The following IGDCC3 variants were observed in gnomAD, a reference collection of about 807,000 sequenced individuals.
IGDCC3 encodes putative neuronal cell adhesion molecule.
A neutral mutation model predicts 72.0 loss-of-function variants in IGDCC3; 47 were observed. The ratio of observed to expected loss-of-function variants is 0.65; its 90% CI spans 0.52 to 0.83. The LOEUF is 0.83. Among genes scored for constraint, IGDCC3 ranks in the 40% least tolerant of loss-of-function variants. The pLI is 0.00. For missense variants in IGDCC3, 1,038 were observed against 1,091.3 expected, an observed-to-expected ratio of 0.95 and a Z score of 0.69; for synonymous variants, 477 against 472.8, an observed-to-expected ratio of 1.01 and a Z score of -0.11.
intron 2 of IGDCC3, among the ~76,000 whole-genome samples, chr15:65,366,074 G>A (rs1487411272): frequency 6.6e-6 from 1 of 152,098 alleles, no homozygotes; most frequent in East Asian, 1.9e-4. Flanking sequence ...TGGGCGTGGT[G>A]GCAGGCGCCT....
Position 65,377,814 on chromosome 15 carries a change from C to G in IGDCC3, c.-26G>C. 1 of 1,182,964 alleles carries G rather than the reference C, an allele frequency of 8.5e-7. No homozygotes were observed. The highest frequency in any genetic ancestry group is 1.0e-6 in the Non-Finnish European group (1 of 956,688). 73.3% of individuals were successfully genotyped at this position (1,182,964 alleles called of 1,614,324 possible). A position where few individuals can be genotyped will look rare whatever the true frequency, so the allele number is the denominator to read the frequency against. On this transcript the variant is annotated 5_prime_UTR_variant, in exon 1 of 14. Transcript: ENST00000327987. This position sits in a 1 kb window ranked among gnomAD's most constrained non-coding sequence, Gnocchi z 4.9. Reference sequence around the variant, plus strand: ...GGGGCTCTCGGTCAGCTCGGCTCGGCGACGCGCGGCTCCCGGGCCTCTCGC... The same window carrying G: ...GGGGCTCTCGGTCAGCTCGGCTCGGGGACGCGCGGCTCCCGGGCCTCTCGC...
chr15:65,351,255 G>A lies in IGDCC3; in HGVS notation c.410-15299C>T, dbSNP rs181780391. Among the ~76,000 whole-genome samples, 845 of 152,286 alleles carry A rather than the reference G, an allele frequency of 5.5e-3. 5 individuals are homozygous for A. The highest frequency in any genetic ancestry group is 8.2e-3 in the Non-Finnish European group (558 of 68,030). On this transcript the variant is annotated intron_variant, in intron 2 of 13. Transcript: ENST00000327987. ...ATAAAAGGTTTATAAGAATCTTACCGGCTGGGCGCAGTGGCTCACGCCTGT... is the reference window on the plus strand; with the variant it reads ...ATAAAAGGTTTATAAGAATCTTACCAGCTGGGCGCAGTGGCTCACGCCTGT...
intron 2 of IGDCC3, among the ~76,000 whole-genome samples, chr15:65,354,321 C>T (rs2091197011): frequency 1.3e-5 from 2 of 152,288 alleles, no homozygotes; most frequent in African/African-American, 4.8e-5. Flanking sequence ...TCTTGTAACA[C>T]ATCCGTAAAA....
intron 2 of IGDCC3, among the ~76,000 whole-genome samples, chr15:65,369,530 T>G (rs28422006): frequency 3.3e-5 from 5 of 152,020 alleles, no homozygotes; most frequent in Non-Finnish European, 7.4e-5. Context: ...GACATGAGGG[T>G]AGGCCTAGGT....
At position 65,377,050 on chromosome 15, in the gene IGDCC3, G is replaced by T. The variant is rs77657990; in HGVS notation, c.103+636C>A. On this transcript the variant is annotated intron_variant, in intron 1 of 13. Transcript: ENST00000327987. The surrounding 1 kb of genome is among the most constrained non-coding windows in gnomAD (Gnocchi z 4.9). ...AGGGCAGGGGCACGTGAGCATCCCCGCGGCTCGCTCGCTCTCGCTTTCGGT... is the reference window on the plus strand; with the variant it reads ...AGGGCAGGGGCACGTGAGCATCCCCTCGGCTCGCTCGCTCTCGCTTTCGGT... Among the ~76,000 whole-genome samples, 4,109 of 152,182 alleles carry T rather than the reference G, an allele frequency of 0.027. 167 individuals are homozygous for T. The highest frequency in any genetic ancestry group is 0.094 in the African/African-American group (3,916 of 41,488).
At chr15:65,361,651 G>A (rs1299151283) in intron 2 of IGDCC3, among the ~76,000 whole-genome samples, 1 of 113,722 alleles carries the variant, frequency 8.8e-6, no homozygotes, top group South Asian at 2.5e-4. Flanking sequence ...GAAAGGCCCC[G>A]CGTCCTGGAT....
intron 2 of IGDCC3, among the ~76,000 whole-genome samples, chr15:65,355,087 G>A (rs948909276): frequency 7.9e-5 from 12 of 152,198 alleles, no homozygotes; most frequent in African/African-American, 2.7e-4. Flanking sequence ...GCTCCCAGCC[G>A]GCTGCTCCGG....
chr15:65,377,909 G>C lies in IGDCC3; in HGVS notation c.-121C>G. ...GCTCCGGCCGGGGCCGAGCCCAGGC[G>C]GTGGGGGACTGGGGCCGCATGCCTG... On this transcript the variant is annotated 5_prime_UTR_variant, in exon 1 of 14. Transcript: ENST00000327987. This position sits in a 1 kb window ranked among gnomAD's most constrained non-coding sequence, Gnocchi z 4.9. 1 of 933,678 alleles carries C rather than the reference G, an allele frequency of 1.1e-6. No individual in the cohort carries two copies. The allele number at this position is 933,678 out of a possible 1,614,324, so 57.8% of individuals were successfully genotyped here.
intron 2 of IGDCC3, 94 bp downstream of exon 2, chr15:65,375,003 T>C (rs984525375): frequency 4.1e-5 from 46 of 1,124,902 alleles, no homozygotes; most frequent in Non-Finnish European, 5.6e-5. Flanking sequence ...GAAGGCTGCA[T>C]AAGATGGGAC....
chr15:65,352,431 T>C (rs2091180683), intron 2 of IGDCC3, among the ~76,000 whole-genome samples: 1 of 152,230 alleles, frequency 6.6e-6, no homozygotes, highest in Non-Finnish European at 1.5e-5. Context: ...TGCTTTCCTT[T>C]AAGGAATCAA....
chr15:65,351,177 C>G (rs979067986), intron 2 of IGDCC3, among the ~76,000 whole-genome samples: 2 of 152,192 alleles, frequency 1.3e-5, no homozygotes, highest in African/African-American at 4.8e-5. Context: ...AGAAGCACAA[C>G]AGGTTTTTCT....
intron 2 of IGDCC3, among the ~76,000 whole-genome samples, chr15:65,351,265 A>G (rs563026846): frequency 1.6e-4 from 24 of 152,348 alleles, no homozygotes; most frequent in Admixed American, 3.9e-4. Flanking sequence ...GGCTGGGCGC[A>G]GTGGCTCACG....
chr15:65,367,742 C>T (rs1224562997), intron 2 of IGDCC3, among the ~76,000 whole-genome samples: 1 of 152,070 alleles, frequency 6.6e-6, no homozygotes, highest in Non-Finnish European at 1.5e-5. Flanking sequence ...TCTATCACCT[C>T]CTCTTGCCCT....
chr15:65,366,730 C>A (rs1434931164), intron 2 of IGDCC3, among the ~76,000 whole-genome samples: 1 of 152,242 alleles, frequency 6.6e-6, no homozygotes, highest in East Asian at 1.9e-4. Context: ...CCCTGCATCT[C>A]CCTGCAGTCT....
intron 2 of IGDCC3, chr15:65,355,902 C>A: frequency 3.3e-6 from 1 of 305,506 alleles, no homozygotes; most frequent in African/African-American, 2.3e-5. Flanking sequence ...CCGGCCCCGG[C>A]GCACTCGCGG....
chr15:65,340,674 C>T (rs1248684417), intron 2 of IGDCC3, among the ~76,000 whole-genome samples: 1 of 152,210 alleles, frequency 6.6e-6, no homozygotes, highest in Non-Finnish European at 1.5e-5. Context: ...GAATCCCATA[C>T]ACTTCTACTC....
chr15:65,335,701 G>T, intron 3 of IGDCC3, 111 bp downstream of exon 3: 1 of 1,242,260 alleles, frequency 8.0e-7, no homozygotes, highest in Non-Finnish European at 1.2e-6. Flanking sequence ...ACTATCTCAG[G>T]CACCTGTGGG....
At chr15:65,361,268 AAAT>A (rs200024838) in intron 2 of IGDCC3, among the ~76,000 whole-genome samples, 1 of 117,860 alleles carries the variant, frequency 8.5e-6, no homozygotes. Context: ...TTTCTACTAA[AAAT>A]AATAATAATA....
chr15:65,376,070 G>A (rs1470399619), intron 1 of IGDCC3, among the ~76,000 whole-genome samples: 2 of 152,212 alleles, frequency 1.3e-5, no homozygotes, highest in Non-Finnish European at 2.9e-5. Context: ...CCCAGTACCC[G>A]GGGTACAGAC....
Sources: gnomAD v4.1 joint callset for allele counts (sites outside exome capture counted in the v4.1 genomes callset) on GRCh38, gnomAD v4.1.1 for gene constraint, Gnocchi (gnomAD v3.1) non-coding constraint, MANE v1.5 for transcripts, NCBI Gene and HGNC (gene_info 2026-07-23, HGNC 2026-07-21) for gene names.